ANO4: variants seen among roughly 807,000 people sequenced by gnomAD.
The protein encoded by ANO4 is anoctamin 4.
A neutral mutation model predicts 141.9 loss-of-function variants in ANO4; 69 were observed. That is an observed-to-expected ratio of 0.49 (90% CI 0.40 to 0.59). The LOEUF (loss-of-function observed/expected upper bound fraction) is 0.59, where lower values mean the gene tolerates loss of function less well. ANO4 is among the 20% of genes least tolerant of loss of function. The pLI is 0.00. For missense variants in ANO4, 894 were observed against 1,162.2 expected, an observed-to-expected ratio of 0.77 and a Z score of 3.36; for synonymous variants, 350 against 394.3, an observed-to-expected ratio of 0.89 and a Z score of 1.33.
At chr12:101,008,289 A>G (rs2045949650) in intron 8 of ANO4, among the ~76,000 whole-genome samples, 1 of 152,158 alleles carries the variant, frequency 6.6e-6, no homozygotes, top group Non-Finnish European at 1.5e-5. Context: ...TCAACCCTTT[A>G]TATTTGCCCC....
intron 1 of ANO4, among the ~76,000 whole-genome samples, chr12:100,874,494 A>T (rs1296524915): frequency 6.6e-6 from 1 of 152,086 alleles, no homozygotes; most frequent in Admixed American, 6.6e-5. Flanking sequence ...AAAGGAGATT[A>T]TTTTGGAGTT....
At position 100,909,275 on chromosome 12, in the gene ANO4, A is replaced by C. The variant is rs2040991062; in HGVS notation, c.55+7435A>C. Among the ~76,000 whole-genome samples the C allele has an allele frequency of 2.0e-5, 3 of 152,122 alleles. 1 individual carries two copies. The highest frequency in any genetic ancestry group is 4.1e-4 in the South Asian group (2 of 4,824). ...GCATCATTTGGCTCACGTTTTGAAG[A>C]TTTAGGAGGACAGTTCTATTGGCTA... On this transcript the variant is annotated intron_variant, in intron 2 of 27. Coordinates refer to ENST00000392977, the MANE Select transcript of ANO4 (RefSeq NM_001286615.2).
Position 100,939,406 on chromosome 12 carries a change from G to A in ANO4, c.252G>A (p.Leu84=), listed in dbSNP as rs1211833259. ...DDDSLLHPGN[L]TSTSDDASRL... ...ATTCTCTTCTTCACCCTGGAAACCT[G>A]ACTAGTACTTCAGATGATGCCAGCA... The change falls in exon 4 of 28, where the codon CTG becomes CTA. Residue 84 remains leucine, a synonymous_variant. Coordinates refer to ENST00000392977, the MANE Select transcript of ANO4 (RefSeq NM_001286615.2). 2 of 1,613,754 alleles carry A rather than the reference G, an allele frequency of 1.2e-6. No individual in the cohort carries two copies. Among genetic ancestry groups the A allele is most frequent in the Middle Eastern group, 3.3e-4 (2 of 6,060 alleles).
chr12:101,119,630 A>C (rs1324329269), intron 25 of ANO4, among the ~76,000 whole-genome samples: 1 of 152,236 alleles, frequency 6.6e-6, no homozygotes, highest in African/African-American at 2.4e-5. Flanking sequence ...AAGCCCCAGC[A>C]AACTACATAT....
intron 7 of ANO4, among the ~76,000 whole-genome samples, chr12:100,984,577 A>C (rs1477126730): frequency 6.6e-6 from 1 of 152,216 alleles, no homozygotes; most frequent in African/African-American, 2.4e-5. Flanking sequence ...AAGGTCAGTA[A>C]GATGATAATG....
At chr12:100,837,081 G>A (rs1293273344) in intron 1 of ANO4, among the ~76,000 whole-genome samples, 1 of 152,142 alleles carries the variant, frequency 6.6e-6, no homozygotes, top group East Asian at 1.9e-4. Context: ...GCCAGGCTTT[G>A]CCTTGTGTTT....
chr12:101,086,390 A>T (rs2049501365), intron 16 of ANO4, among the ~76,000 whole-genome samples: 1 of 152,126 alleles, frequency 6.6e-6, no homozygotes. Context: ...CATCTGCTCA[A>T]TGTATATTCT....
At chr12:100,919,736 G>GTATGTATGTATGTATCTATC (rs3059277) in intron 2 of ANO4, among the ~76,000 whole-genome samples, 1 of 133,054 alleles carries the variant, frequency 7.5e-6, no homozygotes, top group Non-Finnish European at 1.6e-5. Flanking sequence ...GTGTATGTAT[G>GTATGTATGTATGTATCTATC]TATCTATCTA....
At chr12:100,827,723 C>T (rs2036429574) in intron 1 of ANO4, among the ~76,000 whole-genome samples, 1 of 151,904 alleles carries the variant, frequency 6.6e-6, no homozygotes, top group South Asian at 2.1e-4. Flanking sequence ...GCATTTTTAG[C>T]ATTGCTTGAT....
chr12:100,965,683 GT>G (rs1424884823), intron 5 of ANO4, among the ~76,000 whole-genome samples: 1 of 151,546 alleles, frequency 6.6e-6, no homozygotes. Context: ...TGTTCTTGCT[GT>G]TTCTTCTGCT....
chr12:101,062,456 C>T (rs966347929), intron 14 of ANO4, among the ~76,000 whole-genome samples: 9 of 152,234 alleles, frequency 5.9e-5, no homozygotes, highest in Admixed American at 1.3e-4. Context: ...CAGGCAGGAA[C>T]ATTTACGTCT....
chr12:100,733,662 C>G, intron 1 of ANO4: 1 of 603,486 alleles, frequency 1.7e-6, no homozygotes, highest in Non-Finnish European at 3.0e-6. Context: ...TGAGACTACC[C>G]GTGTCATAGA....
chr12:100,887,526 T>A (rs2135977842), intron 1 of ANO4, among the ~76,000 whole-genome samples: 1 of 152,168 alleles, frequency 6.6e-6, no homozygotes, highest in Admixed American at 6.5e-5. Context: ...TTTCTTTTTT[T>A]TTTTTCTTTC....
chr12:101,048,494 G>A (rs768159485), intron 14 of ANO4, 93 bp downstream of exon 14: 40 of 1,184,604 alleles, frequency 3.4e-5, no homozygotes, highest in Non-Finnish European at 4.8e-5. Flanking sequence ...AAAGAAAGAA[G>A]CTTGAGTAAA....
chr12:100,991,882 A>C (rs1236596167), intron 8 of ANO4, among the ~76,000 whole-genome samples: 1 of 152,194 alleles, frequency 6.6e-6, no homozygotes, highest in Non-Finnish European at 1.5e-5. Flanking sequence ...CTGCACACTC[A>C]TCTCAAACCA....
chr12:101,062,975 C>G (rs1333701217), intron 14 of ANO4, among the ~76,000 whole-genome samples: 3 of 152,224 alleles, frequency 2.0e-5, no homozygotes, highest in Admixed American at 1.3e-4. Context: ...GCCCAAAAGG[C>G]TGCCCAGCTT....
chr12:101,043,599 A>T lies in ANO4; in HGVS notation c.1215A>T (p.Pro405=). Residue 405 remains proline (P), a synonymous_variant, in exon 13 of 28, where the codon CCA becomes CCT. Transcript: ENST00000392977. ...IMCPVCDKYC[P]FMRLSDSCVY... is the part of the protein sequence containing the mutation. Reference sequence around the variant, plus strand: ...GTCCTGTGTGTGATAAATACTGTCCATTCATGAGGCTGTCAGACAGCTGTG... The same window carrying T: ...GTCCTGTGTGTGATAAATACTGTCCTTTCATGAGGCTGTCAGACAGCTGTG... 1 of 1,613,690 alleles carries T rather than the reference A, an allele frequency of 6.2e-7. No individual in the cohort carries two copies.
At chr12:100,813,113 G>A (rs532197643) in intron 1 of ANO4, among the ~76,000 whole-genome samples, 3 of 152,310 alleles carry the variant, frequency 2.0e-5, no homozygotes, top group Admixed American at 6.5e-5. Context: ...GAGACCTGGC[G>A]TCCTAGCAGT....
chr12:100,988,475 C>T (rs929891189), intron 8 of ANO4, among the ~76,000 whole-genome samples: 1 of 151,000 alleles, frequency 6.6e-6, no homozygotes, highest in African/African-American at 2.4e-5. Flanking sequence ...TCCAGGCCCT[C>T]TTGCTCCAGC....
Sources: allele counts gnomAD v4.1 joint callset (sites outside exome capture counted in the v4.1 genomes callset), GRCh38; gene constraint gnomAD v4.1.1; transcripts MANE v1.5; gene names NCBI Gene and HGNC (gene_info 2026-07-23, HGNC 2026-07-21).